The following TAOK1 variants were observed in gnomAD, a reference collection of about 807,000 sequenced individuals.
TAOK1 encodes serine/threonine-protein kinase TAO1.
TAOK1 carries 21 observed loss-of-function variants against 138.3 expected under a neutral mutation model. The ratio of observed to expected loss-of-function variants is 0.15; its 90% confidence interval spans 0.11 to 0.22. The LOEUF (loss-of-function observed/expected upper bound fraction) is 0.22, where lower values mean the gene tolerates loss of function less well. TAOK1 is among the 10% of genes least tolerant of loss of function. TAOK1 has a pLI of 1.00. For missense variants in TAOK1, 651 were observed against 1,227.7 expected (o/e 0.53, Z 7.02); for synonymous variants, 361 against 398.4 (o/e 0.91, Z 1.12).
intron 6 of TAOK1, among the ~76,000 whole-genome samples, chr17:29,479,161 C>G (rs75198041): frequency 3.4e-5 from 5 of 147,836 alleles, no homozygotes; most frequent in Non-Finnish European, 3.0e-5. Flanking sequence ...AAAAAAAAAA[C>G]AGAAGCTGCT....
intron 2 of TAOK1, among the ~76,000 whole-genome samples, chr17:29,461,868 A>G (rs1427842932): frequency 6.6e-6 from 1 of 152,128 alleles, no homozygotes; most frequent in African/African-American, 2.4e-5. Flanking sequence ...AACTCAAAGC[A>G]GGTTTTTTCT....
At chr17:29,433,065 T>C (rs1469766939) in intron 1 of TAOK1, among the ~76,000 whole-genome samples, 4 of 152,152 alleles carry the variant, frequency 2.6e-5, no homozygotes, top group Admixed American at 2.6e-4. Context: ...TCCAGGGCCT[T>C]ACCATAGTTA....
chr17:29,498,948 A>AT (rs1333642492), intron 12 of TAOK1, among the ~76,000 whole-genome samples: 3 of 151,894 alleles, frequency 2.0e-5, no homozygotes, highest in Non-Finnish European at 4.4e-5. Context: ...AGTTTGGAAC[A>AT]TTTTTTAATG....
chr17:29,482,328 C>A, intron 8 of TAOK1, 40 bp downstream of exon 8: 1 of 1,462,942 alleles, frequency 6.8e-7, no homozygotes, highest in African/African-American at 1.4e-5. Flanking sequence ...AAGTTTTGAT[C>A]AATGTTTTAC....
intron 1 of TAOK1, among the ~76,000 whole-genome samples, chr17:29,446,255 T>C (rs2030074505): frequency 6.6e-6 from 1 of 152,178 alleles, no homozygotes; most frequent in Non-Finnish European, 1.5e-5. Context: ...ATTGGCCTTT[T>C]GTTTTCTATT....
In TAOK1 at chr17:29,491,847, A is replaced by G; in HGVS notation, c.813A>G (p.Thr271=). 1 of 1,613,088 alleles carries G rather than the reference A, an allele frequency of 6.2e-7. No homozygotes were observed. Among genetic ancestry groups the G allele is most frequent in the Non-Finnish European group, 8.5e-7 (1 of 1,179,284 alleles). ...AGAAAATCCCTCAAGATCGACCTAC[A>G]TCAGAGGAACTTTTAAAGGTCAGTT... ...CLQKIPQDRP[T]SEELLKHIFV... The change falls in exon 10 of 20, where the codon ACA becomes ACG. Residue 271 remains threonine (T), a synonymous_variant. Coordinates refer to ENST00000261716, the MANE Select transcript of TAOK1 (RefSeq NM_020791.4).
At chr17:29,480,191 GT>G (rs1439435270) in intron 6 of TAOK1, 176 bp from the exon 7 acceptor site, 4 of 393,946 alleles carry the variant, frequency 1.0e-5, no homozygotes, top group South Asian at 8.6e-5. Flanking sequence ...GAATTCTGTA[GT>G]TTTTTGTTTT....
At chr17:29,512,377 T>TGG (rs2031737748) in intron 15 of TAOK1, 1 of 136,934 alleles carries the variant, frequency 7.3e-6, no homozygotes, top group Non-Finnish European at 1.6e-5. Flanking sequence ...TGCTTTTTGT[T>TGG]TGTTTGGTTT....
At chr17:29,475,413 G>A (rs942141736) in intron 3 of TAOK1, among the ~76,000 whole-genome samples, 4 of 152,076 alleles carry the variant, frequency 2.6e-5, no homozygotes, top group East Asian at 1.9e-4. Context: ...GGTGGTGTGC[G>A]CCTGTAGACC....
At chr17:29,433,472 A>G (rs573379064) in intron 1 of TAOK1, among the ~76,000 whole-genome samples, 52 of 152,158 alleles carry the variant, frequency 3.4e-4, no homozygotes, top group Admixed American at 2.8e-3. Flanking sequence ...TCTAGAAACT[A>G]AGGCAGCTCT....
chr17:29,521,307 A>T (rs1404562173), intron 16 of TAOK1, among the ~76,000 whole-genome samples: 1 of 152,190 alleles, frequency 6.6e-6, no homozygotes, highest in Non-Finnish European at 1.5e-5. Context: ...TATGAAACAA[A>T]ATTTTAGAAT....
chr17:29,419,190 C>G (rs1011181530), intron 1 of TAOK1, among the ~76,000 whole-genome samples: 5 of 151,774 alleles, frequency 3.3e-5, no homozygotes, highest in Non-Finnish European at 7.4e-5. Context: ...TCTAAGTATT[C>G]TGTAAATTTT....
intron 1 of TAOK1, among the ~76,000 whole-genome samples, chr17:29,429,909 A>C (rs763430316): frequency 6.6e-6 from 1 of 152,212 alleles, no homozygotes; most frequent in Non-Finnish European, 1.5e-5. Context: ...AAATAAGACT[A>C]TAAGATCTAA....
At chr17:29,452,496 G>T (rs1026651212) in intron 2 of TAOK1, among the ~76,000 whole-genome samples, 1 of 151,992 alleles carries the variant, frequency 6.6e-6, no homozygotes, top group Non-Finnish European at 1.5e-5. Context: ...GCATTTGTGT[G>T]TGCGTGTGAA....
chr17:29,526,663 C>T (rs114791021), intron 17 of TAOK1, among the ~76,000 whole-genome samples: 1,622 of 152,042 alleles, frequency 0.011, 37 homozygotes, highest in African/African-American at 0.037. Context: ...ATCCACCCAC[C>T]TCAGCCTCTC....
At chr17:29,420,590 T>TTTG (rs1905403200) in intron 1 of TAOK1, among the ~76,000 whole-genome samples, 1 of 150,336 alleles carries the variant, frequency 6.7e-6, no homozygotes, top group South Asian at 2.1e-4. Flanking sequence ...AATCTGTTTT[T>TTTG]TTTTTTTTTT....
intron 13 of TAOK1, among the ~76,000 whole-genome samples, chr17:29,505,950 C>T (rs1300347203): frequency 2.0e-5 from 3 of 152,064 alleles, no homozygotes; most frequent in Non-Finnish European, 2.9e-5. Flanking sequence ...GAATTGAAAA[C>T]GTTATCAACA....
intron 11 of TAOK1, among the ~76,000 whole-genome samples, chr17:29,496,014 G>A (rs2681176): frequency 0.2 from 29,930 of 152,048 alleles, 3,739 homozygotes; most frequent in Non-Finnish European, 0.27. Context: ...GTTCTGAGAA[G>A]TCCTTCGTTA....
intron 1 of TAOK1, among the ~76,000 whole-genome samples, chr17:29,404,971 A>G (rs1019055456): frequency 6.6e-5 from 10 of 152,150 alleles, no homozygotes; most frequent in African/African-American, 2.4e-4. Flanking sequence ...AGTTCAAAAA[A>G]TTTTTGAAAC....
Sources: gnomAD v4.1 joint callset for allele counts (sites outside exome capture counted in the v4.1 genomes callset) on GRCh38, gnomAD v4.1.1 for gene constraint, MANE v1.5 for transcripts, NCBI Gene and HGNC (gene_info 2026-07-23, HGNC 2026-07-21) for gene names.